Variants in TXNRD3 observed in about 807,000 individuals in gnomAD.
TXNRD3 encodes thioredoxin reductase 3.
TXNRD3 carries 68 observed loss-of-function variants against 78.2 expected under a neutral mutation model. The ratio of observed to expected loss-of-function variants is 0.87; its 90% CI spans 0.72 to 1.06. TXNRD3 has a LOEUF of 1.06. Among genes scored for constraint, TXNRD3 ranks in the 50% least tolerant of loss-of-function variants. The pLI is 0.00. For missense variants in TXNRD3, 751 were observed against 809.5 expected (o/e 0.93, Z 0.88); for synonymous variants, 296 against 300.1 (o/e 0.99, Z 0.14).
chr3:126,639,580 CT>C (rs35894858), intron 6 of TXNRD3, among the ~76,000 whole-genome samples: 4 of 151,870 alleles, frequency 2.6e-5, no homozygotes, highest in African/African-American at 9.7e-5. Context: ...AGATTTTTTT[CT>C]TTTTCCGAGA....
At chr3:126,639,462 A>G (rs1933000627) in intron 6 of TXNRD3, among the ~76,000 whole-genome samples, 1 of 152,184 alleles carries the variant, frequency 6.6e-6, no homozygotes. Context: ...GCTCTCGCCC[A>G]GCTCTCTTTC....
intron 10 of TXNRD3, among the ~76,000 whole-genome samples, chr3:126,623,964 CTG>C (rs1181843213): frequency 6.8e-6 from 1 of 147,862 alleles, no homozygotes; most frequent in Non-Finnish European, 1.5e-5. Flanking sequence ...ATAAAAAAAA[CTG>C]TATTTTTATA....
chr3:126,616,517 C>T (rs529851037), intron 12 of TXNRD3, among the ~76,000 whole-genome samples: 55 of 152,192 alleles, frequency 3.6e-4, no homozygotes, highest in Admixed American at 1.6e-3. Flanking sequence ...GGTAGAGGAA[C>T]GGGAAGAAAT....
intron 14 of TXNRD3, chr3:126,609,083 G>T: frequency 2.8e-6 from 1 of 362,512 alleles, no homozygotes; most frequent in South Asian, 2.1e-5. Context: ...CTGGTGCAGG[G>T]CTGTCACCCA....
intron 5 of TXNRD3, 73 bp downstream of exon 5, chr3:126,643,908 G>T (rs1933154168): frequency 1.5e-6 from 2 of 1,358,402 alleles, no homozygotes; most frequent in African/African-American, 1.5e-5. Context: ...TTGTTGTGAG[G>T]ATTAAATGAG....
chr3:126,654,861 C>CG lies in TXNRD3; in HGVS notation c.129dup (p.Gly44ArgfsTer36). 1 of 1,344,556 alleles carries CG rather than the reference C, an allele frequency of 7.4e-7. No individual in the cohort carries two copies. The highest frequency in any genetic ancestry group is 1.9e-5 in the South Asian group (1 of 53,274). The allele number at this position is 1,344,556 out of a possible 1,614,324, so 83.3% of individuals were successfully genotyped here. A position where few individuals can be genotyped will look rare whatever the true frequency, so the allele number is the denominator to read the frequency against. On this transcript the variant is annotated frameshift_variant, in exon 1 of 16. Coordinates refer to ENST00000524230, the MANE Select transcript of TXNRD3 (RefSeq NM_052883.3). LOFTEE classifies it high-confidence loss of function. ...CGGGCCTCGGACGAGCGGCTGGGCC[C>CG]GGGGGACGACAGGCGGGCACGGCGC... is the stretch of plus-strand genomic sequence containing the variant.
chr3:126,618,309 T>TACAA (rs1559771520), intron 12 of TXNRD3, among the ~76,000 whole-genome samples: 13 of 152,224 alleles, frequency 8.5e-5, no homozygotes, highest in African/African-American at 2.7e-4. Context: ...TTACACTACC[T>TACAA]GATTTCAAAA....
At chr3:126,617,764 C>A (rs576961217) in intron 12 of TXNRD3, among the ~76,000 whole-genome samples, 9 of 152,176 alleles carry the variant, frequency 5.9e-5, no homozygotes, top group Non-Finnish European at 1.0e-4. Context: ...GGCACCCAAA[C>A]TGGGAAAACA....
intron 13 of TXNRD3, among the ~76,000 whole-genome samples, chr3:126,613,236 T>C (rs956360418): frequency 1.4e-5 from 2 of 143,962 alleles, no homozygotes; most frequent in Non-Finnish European, 1.5e-5. Flanking sequence ...ATAACATGCT[T>C]ATATTGTTAC....
At position 126,631,992 on chromosome 3, in the gene TXNRD3, T is replaced by C. The variant is rs545788663; in HGVS notation, c.856-113A>G. On this transcript the variant is annotated intron_variant, in intron 7 of 15. Transcript: ENST00000524230. Reference sequence around the variant, plus strand: ...TCTCATTCAACAGCAACAGCAGACATGTGAAAAAGTAATAATGCAATGTGA... The same window carrying C: ...TCTCATTCAACAGCAACAGCAGACACGTGAAAAAGTAATAATGCAATGTGA... The C allele has an allele frequency of 1.2e-4, 79 of 671,740 alleles. No homozygotes were observed. In the African/African-American group the frequency reaches 1.3e-3, roughly 11 times the overall value. 41.6% of individuals were successfully genotyped at this position (671,740 alleles called of 1,614,324 possible).
chr3:126,626,949 A>G (rs1450614936), intron 10 of TXNRD3, among the ~76,000 whole-genome samples: 1 of 152,016 alleles, frequency 6.6e-6, no homozygotes, highest in African/African-American at 2.4e-5. Flanking sequence ...TTAGCCAGGC[A>G]TGGTGGCATG....
At chr3:126,619,362 A>C (rs1442659777) in intron 12 of TXNRD3, among the ~76,000 whole-genome samples, 2 of 152,212 alleles carry the variant, frequency 1.3e-5, no homozygotes, top group Admixed American at 1.3e-4. Context: ...AAACACAATT[A>C]AATACTATTC....
At chr3:126,608,121 G>C in intron 15 of TXNRD3, 148 bp from the exon 16 acceptor site, 1 of 605,320 alleles carries the variant, frequency 1.7e-6, no homozygotes. Flanking sequence ...AGTACTTTGG[G>C]AGGCTGAGGC....
At chr3:126,617,154 C>T (rs1476912458) in intron 12 of TXNRD3, among the ~76,000 whole-genome samples, 2 of 152,144 alleles carry the variant, frequency 1.3e-5, no homozygotes, top group Non-Finnish European at 2.9e-5. Context: ...AAAACTTTCT[C>T]CACATCTTAC....
chr3:126,609,131 G>C (rs1459341370), intron 14 of TXNRD3: 2 of 444,684 alleles, frequency 4.5e-6, no homozygotes, highest in Non-Finnish European at 9.1e-6. Context: ...CAGGCAATGA[G>C]CTGACCCACC....
intron 9 of TXNRD3, among the ~76,000 whole-genome samples, chr3:126,630,376 C>T (rs1938678915): frequency 6.6e-6 from 1 of 152,100 alleles, no homozygotes; most frequent in Non-Finnish European, 1.5e-5. Context: ...GGCACCCAGT[C>T]AGAAAGGCAG....
chr3:126,641,948 T>C (rs781731679), intron 6 of TXNRD3, 84 bp downstream of exon 6: 51 of 1,394,084 alleles, frequency 3.7e-5, no homozygotes, highest in Non-Finnish European at 4.5e-5. Flanking sequence ...CGAACTCAAC[T>C]ATAAAAATAT....
Position 126,607,613 on chromosome 3 carries a change from A to C in TXNRD3, c.*292T>G. 1 of 278,884 alleles carries C rather than the reference A, an allele frequency of 3.6e-6. No individual in the cohort carries two copies. Among genetic ancestry groups the C allele is most frequent in the Non-Finnish European group, 6.7e-6 (1 of 150,244 alleles). 17.3% of individuals were successfully genotyped at this position (278,884 alleles called of 1,614,324 possible). On this transcript the variant is annotated 3_prime_UTR_variant, in exon 16 of 16. Transcript: ENST00000524230. The stretch of plus-strand genomic sequence containing the variant: ...GCCACTCAAAGGTCTTTCCGAGGGA[A>C]GCTCAGTCCTGGCTTGCGAGAGTCA...
chr3:126,641,583 G>C (rs1018580731), intron 6 of TXNRD3, among the ~76,000 whole-genome samples: 4 of 152,090 alleles, frequency 2.6e-5, no homozygotes, highest in African/African-American at 9.7e-5. Flanking sequence ...CTGCTTACAG[G>C]TAGCTCTGTC....
Sources: allele counts gnomAD v4.1 joint callset (sites outside exome capture counted in the v4.1 genomes callset), GRCh38; gene constraint gnomAD v4.1.1; transcripts MANE v1.5; gene names NCBI Gene and HGNC (gene_info 2026-07-23, HGNC 2026-07-21).